ASH1L: variants seen among roughly 807,000 people sequenced by gnomAD.
ASH1L encodes the protein ASH1 like histone lysine methyltransferase.
ASH1L carries 23 observed loss-of-function variants against 269.0 expected under a neutral mutation model. That is an observed-to-expected ratio of 0.09 (90% CI 0.06 to 0.12). The LOEUF (loss-of-function observed/expected upper bound fraction) is 0.12, where lower values mean the gene tolerates loss of function less well. Among genes scored for constraint, ASH1L ranks in the 10% least tolerant of loss-of-function variants. The pLI is 1.00. For missense variants in ASH1L, 2,912 were observed against 3,567.8 expected (o/e 0.82, Z 4.68); for synonymous variants, 1,187 against 1,253.5 (o/e 0.95, Z 1.12).
At chr1:155,534,945 T>C (rs1334273484) in intron 1 of ASH1L, among the ~76,000 whole-genome samples, 1 of 152,174 alleles carries the variant, frequency 6.6e-6, no homozygotes, top group Non-Finnish European at 1.5e-5. Flanking sequence ...ACCTCAGCAC[T>C]TTGGCAGGCC....
rs757492151 is a variant in ASH1L at position 155,481,056 on chromosome 1, G to C, written c.1814C>G (p.Thr605Ser). 3 of 1,614,086 alleles carry C rather than the reference G, an allele frequency of 1.9e-6. No individual in the cohort carries two copies. The highest frequency in any genetic ancestry group is 2.5e-6 in the Non-Finnish European group (3 of 1,179,974). The change falls in exon 3 of 28, where the codon ACT (threonine) becomes AGT (serine). Residue 605 changes from threonine to serine, a missense_variant. Thr to Ser is a moderately conservative substitution (Grantham distance 58). Around this residue, in one of 13 missense-constraint regions of ASH1L, gnomAD observed 715 missense variants for 721.0 expected, o/e 0.99. Transcript: ENST00000392403. Reference sequence around the variant, plus strand: ...AACGTTCAAGTGGGTACTTTCAGAAGTAAACTGGTTCTTTCCAACAGATTC... The same window carrying C: ...AACGTTCAAGTGGGTACTTTCAGAACTAAACTGGTTCTTTCCAACAGATTC... ...ISESVGKNQF[T>S]SESTHLNVGH...
At chr1:155,439,579 G>A (rs1229679658) in intron 4 of ASH1L, among the ~76,000 whole-genome samples, 1 of 152,004 alleles carries the variant, frequency 6.6e-6, no homozygotes, top group Non-Finnish European at 1.5e-5. Context: ...TGAAACCTAT[G>A]GTCACAGCTA....
At chr1:155,430,028 C>T (rs1009098590) in intron 5 of ASH1L, among the ~76,000 whole-genome samples, 6 of 151,348 alleles carry the variant, frequency 4.0e-5, no homozygotes, top group African/African-American at 7.3e-5. Context: ...CAGGCTGGAG[C>T]GCACTGATGC....
intron 7 of ASH1L, among the ~76,000 whole-genome samples, chr1:155,383,098 A>C (rs1657124427): frequency 6.6e-6 from 1 of 152,226 alleles, no homozygotes; most frequent in Non-Finnish European, 1.5e-5. Context: ...ATAAGGACAT[A>C]AAGAAAATAT....
intron 7 of ASH1L, among the ~76,000 whole-genome samples, chr1:155,384,566 A>AT (rs1275142735): frequency 6.6e-6 from 1 of 151,474 alleles, no homozygotes; most frequent in Non-Finnish European, 1.5e-5. Flanking sequence ...TGCCTGGCTA[A>AT]TTTTTTTTGT....
In ASH1L at chr1:155,469,462, C is replaced by T. The variant is rs537176829; in HGVS notation, c.4984+8424G>A. Among the ~76,000 whole-genome samples the T allele has an allele frequency of 3.3e-5, 5 of 152,240 alleles. No individual in the cohort carries two copies. In the East Asian group the frequency reaches 9.6e-4, roughly 29 times the overall value. On this transcript the variant is annotated intron_variant, in intron 3 of 27. Coordinates refer to ENST00000392403, the MANE Select transcript of ASH1L (RefSeq NM_018489.3). ...CCTCCCAAAGTTCTGGGATTACAGG[C>T]GTGAGCCACCACGTCCACCCACTTG...
intron 5 of ASH1L, among the ~76,000 whole-genome samples, chr1:155,426,497 G>A (rs1262529786): frequency 6.6e-6 from 1 of 152,090 alleles, no homozygotes; most frequent in African/African-American, 2.4e-5. Flanking sequence ...CACCGCGCCT[G>A]GCCCATTAAT....
chr1:155,512,940 G>A (rs1006872149), intron 2 of ASH1L, among the ~76,000 whole-genome samples: 7 of 151,696 alleles, frequency 4.6e-5, no homozygotes, highest in African/African-American at 1.2e-4. Context: ...ACCTGTAGCC[G>A]CGGCTTCTTG....
At chr1:155,563,153 A>G, upstream of ASH1L, 1 of 456,912 alleles carries the variant, frequency 2.2e-6, no homozygotes, top group South Asian at 1.5e-5. Context: ...GAGCGGATCG[A>G]GGACTGCCTA....
rs1665771049 is a variant in ASH1L at position 155,479,061 on chromosome 1, C to T, written c.3809G>A (p.Arg1270Gln). The T allele has an allele frequency of 5.0e-6, 8 of 1,613,928 alleles. No individual in the cohort carries two copies. Among genetic ancestry groups the T allele is most frequent in the Non-Finnish European group, 5.1e-6 (6 of 1,179,992 alleles). The change falls in exon 3 of 28, where the codon CGA becomes CAA. Residue 1270 changes from arginine to glutamine, a missense_variant. Transcript: ENST00000392403. ...CTGGGGATATTTCTTTTTCCGTTTTCGTTTCTGCCTTTTCATCTTGTCATA... is the reference window on the plus strand; with the variant it reads ...CTGGGGATATTTCTTTTTCCGTTTTTGTTTCTGCCTTTTCATCTTGTCATA... ...LSYDKMKRQK[R>Q]KRKKKYPQLR...
In ASH1L at chr1:155,479,634, T is replaced by A; in HGVS notation, c.3236A>T (p.Gln1079Leu). 1 of 1,614,232 alleles carries A rather than the reference T, an allele frequency of 6.2e-7. No homozygotes were observed. The highest frequency in any genetic ancestry group is 8.5e-7 in the Non-Finnish European group (1 of 1,180,028). ...CTGTCCTAATGCTGACCCAGCTGCCTGTTGAGCTGTTTGCTCAAGAACAGC... is the reference window on the plus strand; with the variant it reads ...CTGTCCTAATGCTGACCCAGCTGCCAGTTGAGCTGTTTGCTCAAGAACAGC... ...SLAVLEQTAQQAAGSALGQIL... is the reference protein window; with the variant it reads ...SLAVLEQTAQLAAGSALGQIL... The change falls in exon 3 of 28, where the codon CAG (glutamine) becomes CTG (leucine). Residue 1079 changes from glutamine (Q) to leucine (L), a missense_variant. By Grantham distance (113) the Gln-to-Leu change is moderately radical. Transcript: ENST00000392403.
At chr1:155,469,634 C>T (rs1355653701) in intron 3 of ASH1L, among the ~76,000 whole-genome samples, 3 of 152,232 alleles carry the variant, frequency 2.0e-5, no homozygotes, top group African/African-American at 7.2e-5. Context: ...ATCTGTCCTA[C>T]AAAACAGGCT....
intron 1 of ASH1L, among the ~76,000 whole-genome samples, chr1:155,545,796 G>A (rs1324651310): frequency 6.6e-6 from 1 of 151,888 alleles, no homozygotes; most frequent in Admixed American, 6.6e-5. Flanking sequence ...TGAGGCAGGT[G>A]AATCACTTAA....
rs73008941 is a variant in ASH1L, at chr1:155,366,789, C to T, written c.6686+3715G>A. Among the ~76,000 whole-genome samples the T allele has an allele frequency of 5.0e-3, 752 of 151,502 alleles. 3 individuals are homozygous for T. Among genetic ancestry groups the T allele is most frequent in the African/African-American group, 0.018 (727 of 41,288 alleles). On this transcript the variant is annotated intron_variant, in intron 12 of 27. Coordinates refer to ENST00000392403, the MANE Select transcript of ASH1L (RefSeq NM_018489.3). ...CCGGAGTTGAAGCAATTCTCCTGCCCCAGCCTCCAATAGCTGGGACTATAG... is the reference window on the plus strand; with the variant it reads ...CCGGAGTTGAAGCAATTCTCCTGCCTCAGCCTCCAATAGCTGGGACTATAG...
intron 6 of ASH1L, among the ~76,000 whole-genome samples, chr1:155,409,852 A>G (rs1347572506): frequency 1.3e-5 from 2 of 152,068 alleles, no homozygotes; most frequent in Non-Finnish European, 2.9e-5. Flanking sequence ...AAAGACAACA[A>G]AAGCCTGAGT....
intron 7 of ASH1L, among the ~76,000 whole-genome samples, chr1:155,389,501 C>T (rs536743730): frequency 7.2e-5 from 11 of 151,894 alleles, no homozygotes; most frequent in Non-Finnish European, 1.5e-4. Flanking sequence ...GGTGAAACCC[C>T]GTCTCTACTA....
chr1:155,513,973 C>T (rs12088463), intron 2 of ASH1L, among the ~76,000 whole-genome samples: 100 of 152,168 alleles, frequency 6.6e-4, no homozygotes, highest in African/African-American at 2.3e-3. Context: ...GCCTTAAAAA[C>T]GAAAGCAACT....
At chr1:155,400,374 C>A (rs532977307) in intron 6 of ASH1L, among the ~76,000 whole-genome samples, 292 of 151,480 alleles carry the variant, frequency 1.9e-3, no homozygotes, top group Non-Finnish European at 2.5e-3. Flanking sequence ...GAGGAAGAGT[C>A]TTAGAGGAGT....
chr1:155,536,532 T>C (rs963785599), intron 1 of ASH1L, among the ~76,000 whole-genome samples: 2 of 152,192 alleles, frequency 1.3e-5, no homozygotes, highest in African/African-American at 4.8e-5. Flanking sequence ...TCAAAACATA[T>C]GCAGTCATTT....
Sources: allele counts gnomAD v4.1 joint callset (sites outside exome capture counted in the v4.1 genomes callset), GRCh38; gene constraint gnomAD v4.1.1; regional missense constraint gnomAD v4.1.1; transcripts MANE v1.5; gene names NCBI Gene and HGNC (gene_info 2026-07-23, HGNC 2026-07-21).